Variants in RIMS1 observed in about 807,000 individuals in gnomAD.
RIMS1 encodes the protein regulating synaptic membrane exocytosis protein 1.
Under a neutral mutation model 214.1 loss-of-function variants are expected in RIMS1, and 83 were observed. That is an observed-to-expected ratio of 0.39 (90% CI 0.32 to 0.47). The LOEUF is 0.47. RIMS1 is among the 20% of genes least tolerant of loss of function. RIMS1 has a pLI of 0.99. For synonymous variants in RIMS1, 793 were observed against 786.8 expected (o/e 1.01, Z -0.13); for missense variants, 2,050 against 2,161.8 (o/e 0.95, Z 1.03).
chr6:72,142,242 A>T (rs1305641287), intron 4 of RIMS1, among the ~76,000 whole-genome samples: 1 of 152,022 alleles, frequency 6.6e-6, no homozygotes, highest in Non-Finnish European at 1.5e-5. Flanking sequence ...AGAAAAGTAA[A>T]TTGACCTGCT....
intron 6 of RIMS1, chr6:72,217,120 G>A (rs1232166851): frequency 1.3e-6 from 2 of 1,529,310 alleles, no homozygotes; most frequent in African/African-American, 1.4e-5. Flanking sequence ...TGCATTTGCT[G>A]CCATTGCTAG....
intron 1 of RIMS1, 111 bp from the exon 2 acceptor site, chr6:71,968,872 G>C: frequency 9.2e-7 from 1 of 1,085,418 alleles, no homozygotes; most frequent in Admixed American, 1.9e-5. Flanking sequence ...TGTTGAAGGG[G>C]CTTTCAAAGA....
intron 2 of RIMS1, among the ~76,000 whole-genome samples, chr6:71,984,777 C>CA (rs1562029325): frequency 0.086 from 2,510 of 29,220 alleles, 88 homozygotes; most frequent in East Asian, 0.3. Flanking sequence ...ATGTACATAT[C>CA]TATCTATCTA....
chr6:72,392,606 C>T (rs367733201), intron 30 of RIMS1, 92 bp from the exon 31 acceptor site: 45 of 882,120 alleles, frequency 5.1e-5, no homozygotes, highest in East Asian at 2.9e-4. Flanking sequence ...ATTTATGTTT[C>T]ATGATCATAA....
At chr6:72,006,025 G>A (rs1013654609) in intron 2 of RIMS1, among the ~76,000 whole-genome samples, 1 of 152,174 alleles carries the variant, frequency 6.6e-6, no homozygotes, top group Non-Finnish European at 1.5e-5. Context: ...AATGGTGACA[G>A]CATGGTTGGG....
At chr6:72,319,283 A>G (rs578122928) in intron 28 of RIMS1, among the ~76,000 whole-genome samples, 5 of 152,200 alleles carry the variant, frequency 3.3e-5, no homozygotes, top group Admixed American at 2.6e-4. Flanking sequence ...AACTTTCAGG[A>G]AAGAAGAGAG....
intron 6 of RIMS1, among the ~76,000 whole-genome samples, chr6:72,220,513 C>T (rs540280990): frequency 3.3e-5 from 5 of 152,158 alleles, no homozygotes; most frequent in African/African-American, 9.6e-5. Flanking sequence ...GTCCTGCCTA[C>T]ACAAAGGTAC....
chr6:72,297,473 C>G (rs540411360), intron 26 of RIMS1, among the ~76,000 whole-genome samples: 3 of 151,828 alleles, frequency 2.0e-5, no homozygotes, highest in African/African-American at 7.3e-5. Context: ...AAAGCTGTAC[C>G]TAGCTAAATA....
intron 29 of RIMS1, among the ~76,000 whole-genome samples, chr6:72,384,699 T>C (rs2098554402): frequency 6.6e-6 from 1 of 152,208 alleles, no homozygotes; most frequent in African/African-American, 2.4e-5. Context: ...CCAGCATAGA[T>C]TTTAATTGTA....
At position 72,157,161 on chromosome 6, in the gene RIMS1, CTCTT is replaced by C. The variant is rs1364216881; in HGVS notation, c.472-22412_472-22409del. Among the ~76,000 whole-genome samples the C allele has an allele frequency of 2.8e-5, 4 of 140,620 alleles. 1 individual carries two copies. Among genetic ancestry groups the C allele is most frequent in the South Asian group, 4.7e-4 (2 of 4,284 alleles). 92.3% of individuals were successfully genotyped at this position (140,620 alleles called of 152,430 possible). A position where few individuals can be genotyped will look rare whatever the true frequency, so the allele number is the denominator to read the frequency against. On this transcript the variant is annotated intron_variant, in intron 4 of 33. Coordinates refer to ENST00000521978, the MANE Select transcript of RIMS1 (RefSeq NM_014989.7). Reference sequence around the variant, plus strand: ...AGAATGTCCATGATAATTTTAGACTCTCTTTATACAATTCTGGAAAACCTTTTCG... The same window carrying C: ...AGAATGTCCATGATAATTTTAGACTCTATACAATTCTGGAAAACCTTTTCG...
intron 2 of RIMS1, among the ~76,000 whole-genome samples, chr6:71,999,102 A>G (rs1804345881): frequency 6.6e-6 from 1 of 152,134 alleles, no homozygotes; most frequent in Non-Finnish European, 1.5e-5. Flanking sequence ...GACTATAGAA[A>G]TATCTTTATT....
chr6:72,248,564 G>A (rs1249197358), intron 12 of RIMS1, among the ~76,000 whole-genome samples: 1 of 152,134 alleles, frequency 6.6e-6, no homozygotes, highest in African/African-American at 2.4e-5. Context: ...CGTTGCCACT[G>A]AAAGCTCTCT....
intron 2 of RIMS1, among the ~76,000 whole-genome samples, chr6:72,020,324 G>A (rs753895170): frequency 1.4e-4 from 21 of 152,132 alleles, no homozygotes; most frequent in Non-Finnish European, 2.5e-4. Context: ...CACAATAGCC[G>A]AAGTAAACCC....
intron 4 of RIMS1, among the ~76,000 whole-genome samples, chr6:72,166,801 T>C (rs2153946249): frequency 6.6e-6 from 1 of 152,302 alleles, no homozygotes; most frequent in South Asian, 2.1e-4. Flanking sequence ...ATCTTGCTAA[T>C]TGCTAAACTA....
intron 2 of RIMS1, among the ~76,000 whole-genome samples, chr6:72,080,063 C>T (rs1467339890): frequency 6.4e-5 from 7 of 108,696 alleles, no homozygotes; most frequent in Non-Finnish European, 8.7e-5. Context: ...GTGGTGAAAC[C>T]GTGTCTCTAC....
rs2077597174 is a variant in RIMS1 at position 72,260,736 on chromosome 6, G to A, written c.3085G>A (p.Gly1029Arg). The A allele has an allele frequency of 4.3e-6, 7 of 1,612,474 alleles. No homozygotes were observed. The South Asian group carries it at 5.5e-5, about 13-fold the overall frequency. ...TCTTATGCTGCCCAGAGCAAAACGA[G>A]GACGAAGTGCAGAATGCCTACATAC... ...ELLMLPRAKR[G>R]RSAECLHTTR... The change falls in exon 19 of 34, where the codon GGA (glycine) becomes AGA (arginine). Residue 1029 changes from glycine to arginine, a missense_variant. Gly to Arg is a moderately radical substitution (Grantham distance 125). Coordinates refer to ENST00000521978, the MANE Select transcript of RIMS1 (RefSeq NM_014989.7).
intron 2 of RIMS1, among the ~76,000 whole-genome samples, chr6:72,007,935 A>G (rs930020210): frequency 6.6e-6 from 1 of 152,210 alleles, no homozygotes; most frequent in Admixed American, 6.5e-5. Flanking sequence ...CCAATCTAGC[A>G]AGGCAGGCCA....
At chr6:72,039,821 T>C (rs1265824748) in intron 2 of RIMS1, among the ~76,000 whole-genome samples, 1 of 151,990 alleles carries the variant, frequency 6.6e-6, no homozygotes, top group East Asian at 1.9e-4. Context: ...ACTTATCTAA[T>C]ACAGGTACAA....
intron 1 of RIMS1, among the ~76,000 whole-genome samples, chr6:71,887,964 T>C (rs768342119): frequency 3.3e-5 from 5 of 152,146 alleles, no homozygotes; most frequent in Non-Finnish European, 7.3e-5. Flanking sequence ...TGGGGCCTGT[T>C]CAGTTCCTGG....
Sources: gnomAD v4.1 joint callset for allele counts (sites outside exome capture counted in the v4.1 genomes callset) on GRCh38, gnomAD v4.1.1 for gene constraint, MANE v1.5 for transcripts, NCBI Gene and HGNC (gene_info 2026-07-23, HGNC 2026-07-21) for gene names.